Variants in TMTC1 observed in about 807,000 individuals in gnomAD.
TMTC1 encodes protein O-mannosyl-transferase TMTC1.
In TMTC1, 73 loss-of-function variants were observed where a neutral mutation model predicts 104.8. The observed-to-expected ratio is 0.70, with a 90% CI of 0.58 to 0.85. The LOEUF (loss-of-function observed/expected upper bound fraction) is 0.85, where lower values mean the gene tolerates loss of function less well. Ranked by LOEUF, TMTC1 falls within the 40% of genes least tolerant of loss-of-function variation. TMTC1 has a pLI of 0.00. For missense variants in TMTC1, 1,035 were observed against 1,096.1 expected (o/e 0.94, Z 0.79); for synonymous variants, 434 against 428.7 (o/e 1.01, Z -0.15).
chr12:29,509,691 T>A (rs1827815139), intron 17 of TMTC1, among the ~76,000 whole-genome samples: 1 of 152,248 alleles, frequency 6.6e-6, no homozygotes, highest in African/African-American at 2.4e-5. Flanking sequence ...ATTTGACCAC[T>A]TTAAAACTGC....
Position 29,556,870 on chromosome 12 carries a change from C to T in TMTC1, c.1663G>A (p.Gly555Arg). Residue 555 changes from glycine (G) to arginine (R), a missense_variant, in exon 10 of 18, where the codon GGG (glycine) becomes AGG (arginine). By Grantham distance (125) the Gly-to-Arg change is moderately radical. Coordinates refer to ENST00000539277, the MANE Select transcript of TMTC1 (RefSeq NM_001193451.2). ...PQHNRALFNLGNLLKSQEKKE... is the reference protein window; with the variant it reads ...PQHNRALFNLRNLLKSQEKKE... Reference sequence around the variant, plus strand: ...CGTCCCACTTACTTGAGGAGATTCCCCAGATTGAAAAGAGCCCGGTTATGC... The same window carrying T: ...CGTCCCACTTACTTGAGGAGATTCCTCAGATTGAAAAGAGCCCGGTTATGC... 6.2e-7 allele frequency: 1 copy of T among 1,614,028 alleles called. No homozygotes were observed. Among genetic ancestry groups the T allele is most frequent in the Non-Finnish European group, 8.5e-7 (1 of 1,179,970 alleles).
At chr12:29,526,791 A>C (rs1015922948) in intron 11 of TMTC1, among the ~76,000 whole-genome samples, 15 of 151,240 alleles carry the variant, frequency 9.9e-5, no homozygotes, top group East Asian at 5.8e-4. Context: ...ATTGACAAAA[A>C]AGTTGTTTTT....
chr12:29,618,916 G>A (rs1310601214), intron 6 of TMTC1, among the ~76,000 whole-genome samples: 1 of 152,170 alleles, frequency 6.6e-6, no homozygotes. Flanking sequence ...ACAATCAGAA[G>A]CATTGTCTGC....
At chr12:29,682,357 T>G (rs1940947569) in intron 5 of TMTC1, among the ~76,000 whole-genome samples, 1 of 152,080 alleles carries the variant, frequency 6.6e-6, no homozygotes, top group African/African-American at 2.4e-5. Context: ...ACAGTTACCA[T>G]AAAGCCCATC....
chr12:29,577,747 CTTTCA>C (rs1425077231), intron 8 of TMTC1, among the ~76,000 whole-genome samples: 1 of 152,106 alleles, frequency 6.6e-6, no homozygotes, highest in Non-Finnish European at 1.5e-5. Flanking sequence ...CTAACACTAT[CTTTCA>C]TTTATGATAC....
chr12:29,556,747 T>A, intron 10 of TMTC1, 110 bp downstream of exon 10: 1 of 1,393,220 alleles, frequency 7.2e-7, no homozygotes, highest in Non-Finnish European at 9.8e-7. Context: ...AAAACCCTAA[T>A]TATTCAGCTC....
At chr12:29,727,586 C>A (rs779064838) in intron 5 of TMTC1, among the ~76,000 whole-genome samples, 18 of 151,950 alleles carry the variant, frequency 1.2e-4, no homozygotes, top group Non-Finnish European at 2.4e-4. Context: ...CTGTGTTAAC[C>A]AGGATGGTCT....
chr12:29,782,833 T>G (rs1943865092), intron 1 of TMTC1: 1 of 152,162 alleles, frequency 6.6e-6, no homozygotes, highest in South Asian at 2.1e-4. Flanking sequence ...TTCTAAAGTC[T>G]AGATCCAGAG....
At chr12:29,774,868 G>A (rs73077481) in intron 1 of TMTC1, among the ~76,000 whole-genome samples, 10,025 of 152,242 alleles carry the variant, frequency 0.066, 395 homozygotes, top group South Asian at 0.13. Context: ...GCAAACAACA[G>A]TCCAGAGGGG....
chr12:29,531,473 C>T (rs1311562122), intron 11 of TMTC1, among the ~76,000 whole-genome samples: 4 of 152,150 alleles, frequency 2.6e-5, no homozygotes, highest in African/African-American at 9.7e-5. Flanking sequence ...AATAGGCTAT[C>T]AACGTGGGGC....
chr12:29,777,194 G>C (rs1310719861), intron 1 of TMTC1, among the ~76,000 whole-genome samples: 2 of 151,868 alleles, frequency 1.3e-5, no homozygotes, highest in Admixed American at 1.3e-4. Flanking sequence ...TCCCAGGTTC[G>C]AGCAATTCTC....
At chr12:29,507,825 T>C in intron 17 of TMTC1, among the ~76,000 whole-genome samples, 1 of 152,336 alleles carries the variant, frequency 6.6e-6, no homozygotes, top group South Asian at 2.1e-4. Flanking sequence ...ATTCTGCAAA[T>C]TCTCAGAGCT....
In TMTC1 at chr12:29,503,366, T is replaced by C. The variant is rs1565628527; in HGVS notation, c.*3480A>G. The C allele has an allele frequency of 6.6e-6, 1 of 152,220 alleles. No individual in the cohort carries two copies. Among genetic ancestry groups the C allele is most frequent in the Non-Finnish European group, 1.5e-5 (1 of 68,040 alleles). The allele number at this position is 152,220 out of a possible 1,614,324, so 9.4% of individuals were successfully genotyped here. On this transcript the variant is annotated 3_prime_UTR_variant, in exon 18 of 18. Transcript: ENST00000539277. ...TCACTGAAACATGTTTTATAAATAC[T>C]GTTAACAGATTGAAAGCATCTGAAT... is the stretch of plus-strand genomic sequence containing the variant.
chr12:29,710,974 T>G (rs1941908816), intron 5 of TMTC1, among the ~76,000 whole-genome samples: 1 of 54,004 alleles, frequency 1.9e-5, no homozygotes, highest in Non-Finnish European at 4.8e-5. Flanking sequence ...TAATAATATA[T>G]AAATATATAT....
intron 12 of TMTC1, 69 bp downstream of exon 12, chr12:29,520,549 C>T: frequency 7.6e-7 from 1 of 1,323,928 alleles, no homozygotes; most frequent in Non-Finnish European, 1.1e-6. Context: ...GGATTATTTG[C>T]CTTCCATTTT....
intron 5 of TMTC1, among the ~76,000 whole-genome samples, chr12:29,719,333 ACTTGG>A (rs1452057869): frequency 6.6e-6 from 1 of 152,116 alleles, no homozygotes. Flanking sequence ...CTTTGTGAAT[ACTTGG>A]ATGCCTGGGT....
chr12:29,689,405 C>A (rs573119785), intron 5 of TMTC1, among the ~76,000 whole-genome samples: 1 of 152,156 alleles, frequency 6.6e-6, no homozygotes, highest in Non-Finnish European at 1.5e-5. Flanking sequence ...ACTCCACCTC[C>A]CAGGTTCAAG....
At chr12:29,634,653 T>G (rs1938462983) in intron 5 of TMTC1, among the ~76,000 whole-genome samples, 1 of 152,186 alleles carries the variant, frequency 6.6e-6, no homozygotes, top group Non-Finnish European at 1.5e-5. Flanking sequence ...ATTAGATGAA[T>G]TCATTGTCCT....
intron 5 of TMTC1, among the ~76,000 whole-genome samples, chr12:29,737,257 G>A (rs1281127902): frequency 6.6e-6 from 1 of 152,184 alleles, no homozygotes; most frequent in East Asian, 1.9e-4. Context: ...GGTGGCTCAC[G>A]CCTGTAATCC....
Sources: gnomAD v4.1 joint callset for allele counts (sites outside exome capture counted in the v4.1 genomes callset) on GRCh38, gnomAD v4.1.1 for gene constraint, MANE v1.5 for transcripts, NCBI Gene and HGNC (gene_info 2026-07-23, HGNC 2026-07-21) for gene names.